Variants in ARHGAP18 observed in about 807,000 individuals in gnomAD.
ARHGAP18 encodes Rho GTPase activating protein 18.
Under a neutral mutation model 86.2 loss-of-function variants are expected in ARHGAP18, and 67 were observed. The ratio of observed to expected loss-of-function variants is 0.78; its 90% CI spans 0.64 to 0.95. The LOEUF is 0.95. ARHGAP18 is among the 40% of genes least tolerant of loss of function. The probability of loss-of-function intolerance (pLI) is 0.00; values close to 1 mark genes in which losing one functional copy is unlikely to be tolerated. For missense variants in ARHGAP18, 691 were observed against 780.4 expected, an observed-to-expected ratio of 0.89 and a Z score of 1.37; for synonymous variants, 283 against 280.4, an observed-to-expected ratio of 1.01 and a Z score of -0.09.
At chr6:129,700,201 A>T (rs1054298749) in intron 1 of ARHGAP18, among the ~76,000 whole-genome samples, 1 of 152,252 alleles carries the variant, frequency 6.6e-6, no homozygotes, top group African/African-American at 2.4e-5. Flanking sequence ...CTTTTCTCAA[A>T]TACTTAGCTA....
intron 1 of ARHGAP18, among the ~76,000 whole-genome samples, chr6:129,670,634 T>G (rs1034043575): frequency 6.6e-6 from 1 of 151,826 alleles, no homozygotes; most frequent in Non-Finnish European, 1.5e-5. Context: ...ACCACCTACT[T>G]CGCATCAAAA....
At chr6:129,618,627 A>T in intron 6 of ARHGAP18, 60 bp downstream of exon 6, 1 of 1,484,968 alleles carries the variant, frequency 6.7e-7, no homozygotes, top group Non-Finnish European at 9.0e-7. Context: ...ACTGCAAAAA[A>T]GCCAAGTCCA....
intron 5 of ARHGAP18, among the ~76,000 whole-genome samples, chr6:129,625,268 T>TATATG (rs1207619679): frequency 4.9e-5 from 4 of 81,222 alleles, no homozygotes; most frequent in African/African-American, 2.0e-4. Flanking sequence ...TGATATATGA[T>TATATG]ATATATTTAT....
At chr6:129,707,929 C>CAGCAAA (rs1774828659) in intron 1 of ARHGAP18, among the ~76,000 whole-genome samples, 1 of 152,030 alleles carries the variant, frequency 6.6e-6, no homozygotes, top group Admixed American at 6.5e-5. Flanking sequence ...CTGACCAACC[C>CAGCAAA]AGCCAAAGCC....
At chr6:129,662,016 G>T in intron 1 of ARHGAP18, 1 of 754,918 alleles carries the variant, frequency 1.3e-6, no homozygotes, top group Non-Finnish European at 1.6e-6. Flanking sequence ...CTGAAACCAA[G>T]GGCCCCTCCC....
chr6:129,617,184 C>T (rs1393067649), intron 6 of ARHGAP18, among the ~76,000 whole-genome samples: 1 of 152,086 alleles, frequency 6.6e-6, no homozygotes, highest in Non-Finnish European at 1.5e-5. Context: ...TAATAATTTA[C>T]AATTTTTCTA....
chr6:129,709,600 T>C, intron 1 of ARHGAP18, among the ~76,000 whole-genome samples: 1 of 152,236 alleles, frequency 6.6e-6, no homozygotes, highest in East Asian at 1.9e-4. Context: ...AACAACAGCT[T>C]GTACAGTACA....
chr6:129,598,074 T>C (rs1788656266), intron 12 of ARHGAP18, among the ~76,000 whole-genome samples: 1 of 152,026 alleles, frequency 6.6e-6, no homozygotes, highest in Non-Finnish European at 1.5e-5. Context: ...TCACTTAATA[T>C]GAATAAGAAG....
intron 12 of ARHGAP18, among the ~76,000 whole-genome samples, chr6:129,597,374 A>C (rs571957543): frequency 2.0e-5 from 3 of 152,226 alleles, no homozygotes; most frequent in African/African-American, 7.2e-5. Context: ...TTCTACCAAA[A>C]TGACAGGCCA....
chr6:129,622,502 CTTAT>C (rs1041545081), intron 5 of ARHGAP18, among the ~76,000 whole-genome samples: 12 of 152,090 alleles, frequency 7.9e-5, no homozygotes, highest in East Asian at 1.9e-4. Context: ...ATGTCATGAG[CTTAT>C]TTATTTATTT....
intron 1 of ARHGAP18, among the ~76,000 whole-genome samples, chr6:129,685,087 G>A (rs971295483): frequency 6.6e-6 from 1 of 152,150 alleles, no homozygotes; most frequent in Non-Finnish European, 1.5e-5. Context: ...GAACCAGGCT[G>A]CCAGGGTTTC....
chr6:129,675,761 G>T (rs1175712498), intron 1 of ARHGAP18, among the ~76,000 whole-genome samples: 1 of 152,176 alleles, frequency 6.6e-6, no homozygotes, highest in African/African-American at 2.4e-5. Flanking sequence ...TCCTAGAGAT[G>T]CAGGTAATAA....
chr6:129,686,473 T>C (rs1441671358), intron 1 of ARHGAP18, among the ~76,000 whole-genome samples: 2 of 152,142 alleles, frequency 1.3e-5, no homozygotes, highest in Non-Finnish European at 2.9e-5. Flanking sequence ...ACCAGTAAGA[T>C]ATGAGGATAG....
intron 3 of ARHGAP18, among the ~76,000 whole-genome samples, chr6:129,638,085 T>C (rs753998349): frequency 6.6e-6 from 1 of 152,202 alleles, no homozygotes; most frequent in Non-Finnish European, 1.5e-5. Flanking sequence ...TTGGTAGTCA[T>C]GTTGTCTGAG....
chr6:129,577,742 G>C lies in ARHGAP18; in HGVS notation c.*771C>G, dbSNP rs541824731. 2.8e-4 allele frequency: 43 copies of C among 152,150 alleles called. No individual in the cohort carries two copies. Among genetic ancestry groups the C allele is most frequent in the African/African-American group, 9.4e-4 (39 of 41,506 alleles). The allele number at this position is 152,150 out of a possible 1,614,324, so 9.4% of individuals were successfully genotyped here. A position where few individuals can be genotyped will look rare whatever the true frequency, so the allele number is the denominator to read the frequency against. On this transcript the variant is annotated 3_prime_UTR_variant, in exon 15 of 15. Transcript: ENST00000368149. Reference sequence around the variant, plus strand: ...GAGTACAGTAGACAGAAAGTGCTTTGGCTTTCACTCTCTTGTTATCCATAA... The same window carrying C: ...GAGTACAGTAGACAGAAAGTGCTTTCGCTTTCACTCTCTTGTTATCCATAA...
chr6:129,606,614 G>A (rs151336995), intron 9 of ARHGAP18, among the ~76,000 whole-genome samples: 6 of 152,060 alleles, frequency 3.9e-5, no homozygotes, highest in Admixed American at 1.3e-4. Context: ...TCCATATCCA[G>A]GAAATGTATG....
intron 12 of ARHGAP18, among the ~76,000 whole-genome samples, chr6:129,588,036 C>T (rs1370744139): frequency 6.6e-6 from 1 of 152,154 alleles, no homozygotes; most frequent in Admixed American, 6.5e-5. Flanking sequence ...AGCAAATGCA[C>T]CCATTCCAAA....
At chr6:129,617,470 G>C (rs1215147628) in intron 6 of ARHGAP18, among the ~76,000 whole-genome samples, 1 of 152,204 alleles carries the variant, frequency 6.6e-6, no homozygotes, top group African/African-American at 2.4e-5. Flanking sequence ...ATTCGGAAAA[G>C]ATGCAATCTC....
chr6:129,681,078 CTGT>C (rs1025490036), intron 1 of ARHGAP18, among the ~76,000 whole-genome samples: 4 of 151,992 alleles, frequency 2.6e-5, no homozygotes, highest in African/African-American at 4.8e-5. Flanking sequence ...GTTTTTTTTG[CTGT>C]TGTTGTTGTT....
Sources: gnomAD v4.1 joint callset for allele counts (sites outside exome capture counted in the v4.1 genomes callset) on GRCh38, gnomAD v4.1.1 for gene constraint, MANE v1.5 for transcripts, NCBI Gene and HGNC (gene_info 2026-07-23, HGNC 2026-07-21) for gene names.